Variants in UTS2B observed in about 807,000 individuals in gnomAD.
The protein encoded by UTS2B is urotensin 2B.
A neutral mutation model predicts 19.2 loss-of-function variants in UTS2B; 21 were observed. That is an observed-to-expected ratio of 1.09 (90% confidence interval 0.78 to 1.58). The LOEUF (loss-of-function observed/expected upper bound fraction) is 1.58, where lower values mean the gene tolerates loss of function less well. UTS2B is among the 40% of genes most tolerant of loss of function. UTS2B has a pLI of 0.00. For synonymous variants in UTS2B, 57 were observed against 50.2 expected, an observed-to-expected ratio of 1.14 and a Z score of -0.58; for missense variants, 138 against 130.3, an observed-to-expected ratio of 1.06 and a Z score of -0.29.
chr3:191,324,440 GTGGTGGGAGGGACC>G (rs1372765661), intron 2 of UTS2B, among the ~76,000 whole-genome samples: 2 of 152,230 alleles, frequency 1.3e-5, no homozygotes, highest in Non-Finnish European at 2.9e-5. Flanking sequence ...ATTCCCACAT[GTGGTGGGAGGGACC>G]TGGTGGGAGA....
At chr3:191,268,983 C>A (rs189012852) in intron 8 of UTS2B, among the ~76,000 whole-genome samples, 3 of 152,324 alleles carry the variant, frequency 2.0e-5, no homozygotes, top group Admixed American at 6.5e-5. Flanking sequence ...TTAGTCCTCC[C>A]ATTCTGATCA....
In UTS2B at chr3:191,282,227, T is replaced by C. The variant is rs1179449344; in HGVS notation, c.-38A>G. The C allele has an allele frequency of 6.7e-7, 1 of 1,494,950 alleles. No homozygotes were observed. The highest frequency in any genetic ancestry group is 1.4e-5 in the African/African-American group (1 of 71,700). 92.6% of individuals were successfully genotyped at this position (1,494,950 alleles called of 1,614,324 possible). On this transcript the variant is annotated 5_prime_UTR_variant, in exon 5 of 9. Transcript: ENST00000340524. ...CTTCTGGACTAGCAAAGAAACAGAC[T>C]TTCCAGGTCAAGATGGATATTTCTA...
the UTS2B span, among the ~76,000 whole-genome samples, chr3:191,339,348 G>A: frequency 1.2e-4 from 18 of 152,138 alleles, no homozygotes; most frequent in African/African-American, 4.3e-4. Flanking sequence ...CTTCAAGGGA[G>A]TTATGATATA....
At chr3:191,278,477 T>C (rs1716298292) in intron 5 of UTS2B, among the ~76,000 whole-genome samples, 1 of 152,040 alleles carries the variant, frequency 6.6e-6, no homozygotes, top group South Asian at 2.1e-4. Context: ...TTAATCTGTG[T>C]TTCTGGAATT....
chr3:191,282,362 G>T (rs1377903469), intron 4 of UTS2B, 49 bp from the exon 5 acceptor site: 1 of 554,418 alleles, frequency 1.8e-6, no homozygotes, highest in Non-Finnish European at 3.2e-6. Flanking sequence ...AAAATGCAAT[G>T]CAATCAAGTA....
chr3:191,320,417 G>A (rs1163404486), intron 2 of UTS2B, among the ~76,000 whole-genome samples: 2 of 152,198 alleles, frequency 1.3e-5, no homozygotes, highest in African/African-American at 2.4e-5. Flanking sequence ...AAGCCAGGAG[G>A]TGACTTTAGC....
intron 3 of UTS2B, among the ~76,000 whole-genome samples, chr3:191,313,116 T>A (rs538638194): frequency 6.6e-6 from 1 of 151,780 alleles, no homozygotes; most frequent in Admixed American, 6.6e-5. Flanking sequence ...TGCCTCAGCC[T>A]CCCAAGTAGC....
intron 3 of UTS2B, among the ~76,000 whole-genome samples, chr3:191,310,884 C>T (rs1479567368): frequency 6.6e-6 from 1 of 152,210 alleles, no homozygotes; most frequent in Non-Finnish European, 1.5e-5. Flanking sequence ...CACTTCTCTT[C>T]AATTCCTTCG....
At chr3:191,304,719 T>TA (rs1717091301) in intron 3 of UTS2B, among the ~76,000 whole-genome samples, 171 bp from the exon 4 acceptor site, 1 of 152,226 alleles carries the variant, frequency 6.6e-6, no homozygotes, top group African/African-American at 2.4e-5. Context: ...GCAGGTTTGT[T>TA]ACATAGGTAA....
intron 4 of UTS2B, among the ~76,000 whole-genome samples, chr3:191,285,020 A>G (rs1256254871): frequency 6.6e-6 from 1 of 152,198 alleles, no homozygotes; most frequent in Non-Finnish European, 1.5e-5. Context: ...GGTAGAAGTA[A>G]GTACACAGTC....
intron 5 of UTS2B, among the ~76,000 whole-genome samples, chr3:191,280,965 T>A (rs1264385530): frequency 6.6e-6 from 1 of 152,170 alleles, no homozygotes; most frequent in Non-Finnish European, 1.5e-5. Context: ...GGCTTGTATT[T>A]AGGTCTCTGA....
the UTS2B span, among the ~76,000 whole-genome samples, chr3:191,337,091 A>G: frequency 2.0e-5 from 3 of 152,202 alleles, no homozygotes; most frequent in Admixed American, 1.3e-4. Flanking sequence ...TACATACTGT[A>G]GAGGCAGAGA....
intron 3 of UTS2B, among the ~76,000 whole-genome samples, chr3:191,307,277 C>T (rs561443788): frequency 1.3e-5 from 2 of 152,204 alleles, no homozygotes; most frequent in South Asian, 4.2e-4. Flanking sequence ...CTCCATGACC[C>T]AGACTCAATC....
At chr3:191,343,897 T>G in the UTS2B span, among the ~76,000 whole-genome samples, 1 of 152,210 alleles carries the variant, frequency 6.6e-6, no homozygotes, top group African/African-American at 2.4e-5. Flanking sequence ...AATCAGAAAT[T>G]TGTTCACTTT....
intron 3 of UTS2B, among the ~76,000 whole-genome samples, chr3:191,307,927 C>T (rs1011160258): frequency 1.1e-4 from 16 of 151,560 alleles, no homozygotes; most frequent in African/African-American, 3.9e-4. Context: ...CCTCTGCCTC[C>T]CGGGTTAAAG....
intron 3 of UTS2B, among the ~76,000 whole-genome samples, chr3:191,312,803 A>G (rs1202172772): frequency 6.6e-6 from 1 of 152,126 alleles, no homozygotes; most frequent in Non-Finnish European, 1.5e-5. Flanking sequence ...TATCAATTAT[A>G]TTTGCCTGGG....
intron 4 of UTS2B, among the ~76,000 whole-genome samples, chr3:191,301,935 CAG>C (rs1224634528): frequency 6.6e-6 from 1 of 152,130 alleles, no homozygotes; most frequent in Non-Finnish European, 1.5e-5. Flanking sequence ...CTGCTTGTGT[CAG>C]AGGCATTTGA....
the UTS2B span, among the ~76,000 whole-genome samples, chr3:191,336,896 C>A: frequency 6.6e-6 from 1 of 152,176 alleles, no homozygotes; most frequent in East Asian, 1.9e-4. Flanking sequence ...CAGGGACCTG[C>A]AAACTACTGC....
chr3:191,323,805 T>C (rs1560148772), intron 2 of UTS2B, among the ~76,000 whole-genome samples: 1 of 152,146 alleles, frequency 6.6e-6, no homozygotes, highest in Non-Finnish European at 1.5e-5. Context: ...TATAGGTTCT[T>C]GTATAATTGA....
Sources: allele counts gnomAD v4.1 joint callset (sites outside exome capture counted in the v4.1 genomes callset), GRCh38; gene constraint gnomAD v4.1.1; transcripts MANE v1.5; gene names NCBI Gene and HGNC (gene_info 2026-07-23, HGNC 2026-07-21).